LRRFIP1: variants seen among roughly 807,000 people sequenced by gnomAD.
LRRFIP1 encodes the protein LRR binding FLII interacting protein 1.
In LRRFIP1, 62 loss-of-function variants were observed where a neutral mutation model predicts 104.4. The observed-to-expected ratio is 0.59, with a 90% confidence interval of 0.48 to 0.73. The LOEUF (loss-of-function observed/expected upper bound fraction) is 0.73, where lower values mean the gene tolerates loss of function less well. Among genes scored for constraint, LRRFIP1 ranks in the 30% least tolerant of loss-of-function variants. The pLI, the probability that LRRFIP1 is intolerant of heterozygous loss-of-function variation, is 0.00. For synonymous variants in LRRFIP1, 300 were observed against 299.0 expected (o/e 1.00, Z -0.03); for missense variants, 796 against 824.5 (o/e 0.97, Z 0.42).
chr2:237,776,287 A>G (rs1199731037), intron 23 of LRRFIP1, among the ~76,000 whole-genome samples: 1 of 152,202 alleles, frequency 6.6e-6, no homozygotes, highest in Non-Finnish European at 1.5e-5. Context: ...TACTTTTGCT[A>G]TGGTCAGAGA....
At chr2:237,753,658 G>A (rs1576277977) in intron 15 of LRRFIP1, among the ~76,000 whole-genome samples, 179 bp downstream of exon 15, 1 of 152,050 alleles carries the variant, frequency 6.6e-6, no homozygotes, top group Non-Finnish European at 1.5e-5. Flanking sequence ...TTAGCCAGGT[G>A]GTACATGGCT....
intron 3 of LRRFIP1, among the ~76,000 whole-genome samples, chr2:237,714,665 C>T (rs1010899917): frequency 6.6e-6 from 1 of 152,214 alleles, no homozygotes; most frequent in Admixed American, 6.5e-5. Context: ...CAAATTACCA[C>T]ACATTGAGAG....
intron 1 of LRRFIP1, among the ~76,000 whole-genome samples, chr2:237,654,895 A>G (rs2086547339): frequency 6.6e-6 from 1 of 152,060 alleles, no homozygotes; most frequent in Admixed American, 6.6e-5. Context: ...AGCACTATTC[A>G]CAATAACCAA....
chr2:237,684,318 A>C (rs1297385515), intron 1 of LRRFIP1: 1 of 142,962 alleles, frequency 7.0e-6, no homozygotes, highest in African/African-American at 2.6e-5. Flanking sequence ...TTAAAAATAC[A>C]AAAAAAAAGT....
At chr2:237,770,846 T>C (rs550782792) in intron 20 of LRRFIP1, 1 of 152,350 alleles carries the variant, frequency 6.6e-6, no homozygotes, top group East Asian at 1.9e-4. Flanking sequence ...ATATGCAGGA[T>C]AGTGATTAAA....
intron 1 of LRRFIP1, among the ~76,000 whole-genome samples, chr2:237,693,001 A>G (rs1012675257): frequency 2.6e-5 from 4 of 152,214 alleles, no homozygotes; most frequent in African/African-American, 9.6e-5. Context: ...CGAGGACTCC[A>G]GACGCCAAAT....
rs560044754 is a variant in LRRFIP1 at position 237,637,297 on chromosome 2, A to G, written c.96+9557A>G. Among the ~76,000 whole-genome samples, 38 of 152,260 alleles carry G rather than the reference A, an allele frequency of 2.5e-4. No individual in the cohort carries two copies. The East Asian group carries it at 4.6e-3, about 19-fold the overall frequency. On this transcript the variant is annotated intron_variant, in intron 1 of 23. Transcript: ENST00000308482. ...AGCCTAACCAATATGGTGAAACCCCATCTCTACTAAAAATACAGAAATTAG... is the reference window on the plus strand; with the variant it reads ...AGCCTAACCAATATGGTGAAACCCCGTCTCTACTAAAAATACAGAAATTAG...
chr2:237,757,118 T>G (rs1319820941), intron 16 of LRRFIP1, among the ~76,000 whole-genome samples: 1 of 152,228 alleles, frequency 6.6e-6, no homozygotes, highest in Non-Finnish European at 1.5e-5. Flanking sequence ...TGCAAGAGAA[T>G]AAATTTGTGT....
At chr2:237,688,456 CTTTTTTTTTTT>C (rs67002704) in intron 1 of LRRFIP1, among the ~76,000 whole-genome samples, 29 of 90,160 alleles carry the variant, frequency 3.2e-4, no homozygotes, top group African/African-American at 1.0e-3. Context: ...TTTTTTTTTT[CTTTTTTTTTTT>C]TTTTTTGAGA....
intron 15 of LRRFIP1, among the ~76,000 whole-genome samples, chr2:237,755,282 C>T (rs1269657531): frequency 6.6e-6 from 1 of 152,236 alleles, no homozygotes; most frequent in African/African-American, 2.4e-5. Flanking sequence ...CTCCCCCAAA[C>T]TCTCCTGTTT....
intron 1 of LRRFIP1, among the ~76,000 whole-genome samples, chr2:237,628,507 A>C (rs940010991): frequency 2.0e-5 from 3 of 152,160 alleles, no homozygotes; most frequent in Non-Finnish European, 4.4e-5. Flanking sequence ...AAAGCCGTAC[A>C]GGGACAGAGA....
At position 237,716,785 on chromosome 2, in the gene LRRFIP1, C is replaced by T. The variant is rs78434817; in HGVS notation, c.202-977C>T. Among the ~76,000 whole-genome samples, 1,258 of 152,294 alleles carry T rather than the reference C, an allele frequency of 8.3e-3. 12 individuals are homozygous for T. The highest frequency in any genetic ancestry group is 0.047 in the East Asian group (242 of 5,192). On this transcript the variant is annotated intron_variant, in intron 3 of 23. Coordinates refer to ENST00000308482, the MANE Select transcript of LRRFIP1 (RefSeq NM_001137550.2). ...GAGAAGCAAAACCCCATTATTTGGGCCCATGACCTGGCTTCCCACCTACCT... is the reference window on the plus strand; with the variant it reads ...GAGAAGCAAAACCCCATTATTTGGGTCCATGACCTGGCTTCCCACCTACCT...
chr2:237,665,876 C>T (rs1303277051), intron 1 of LRRFIP1, among the ~76,000 whole-genome samples: 1 of 152,206 alleles, frequency 6.6e-6, no homozygotes, highest in Admixed American at 6.5e-5. Context: ...GCAAGAACAC[C>T]TCTGAAGGTC....
intron 1 of LRRFIP1, among the ~76,000 whole-genome samples, chr2:237,685,831 C>T (rs1312925827): frequency 6.6e-6 from 1 of 152,204 alleles, no homozygotes; most frequent in East Asian, 1.9e-4. Flanking sequence ...AAGCCTTTTC[C>T]TTGGTCCCGC....
intron 20 of LRRFIP1, among the ~76,000 whole-genome samples, chr2:237,771,127 A>G (rs2060579980): frequency 1.3e-5 from 2 of 152,128 alleles, no homozygotes; most frequent in African/African-American, 4.8e-5. Context: ...GATCACCTGC[A>G]ACAATTCTTC....
chr2:237,765,033 A>T (rs112365437), intron 19 of LRRFIP1: 1 of 912,340 alleles, frequency 1.1e-6, no homozygotes, highest in Admixed American at 6.2e-5. Context: ...AGGCCAAGGC[A>T]GGTGGATCAC....
At chr2:237,632,774 G>A (rs1363588160) in intron 1 of LRRFIP1, among the ~76,000 whole-genome samples, 3 of 123,330 alleles carry the variant, frequency 2.4e-5, no homozygotes, top group African/African-American at 8.4e-5. Context: ...TGGCTCCTCT[G>A]GGGTGGAGAG....
intron 11 of LRRFIP1, 91 bp downstream of exon 11, chr2:237,739,400 T>A: frequency 9.0e-7 from 1 of 1,115,578 alleles, no homozygotes; most frequent in Non-Finnish European, 1.3e-6. Flanking sequence ...AAATTTAGAA[T>A]ATTACTCTGC....
intron 1 of LRRFIP1, among the ~76,000 whole-genome samples, chr2:237,670,242 A>T (rs1412685171): frequency 1.3e-5 from 2 of 152,226 alleles, no homozygotes; most frequent in African/African-American, 4.8e-5. Context: ...CCGGGACGTC[A>T]GTGCCCCGAC....
Sources: allele counts gnomAD v4.1 joint callset (sites outside exome capture counted in the v4.1 genomes callset), GRCh38; gene constraint gnomAD v4.1.1; transcripts MANE v1.5; gene names NCBI Gene and HGNC (gene_info 2026-07-23, HGNC 2026-07-21).